Variants in FAM184A observed in about 807,000 individuals in gnomAD.
The protein encoded by FAM184A is protein FAM184A.
FAM184A carries 99 observed loss-of-function variants against 143.8 expected under a neutral mutation model. The observed-to-expected ratio is 0.69, with a 90% CI of 0.58 to 0.81. The LOEUF (loss-of-function observed/expected upper bound fraction) is 0.81, where lower values mean the gene tolerates loss of function less well. Among genes scored for constraint, FAM184A ranks in the 40% least tolerant of loss-of-function variants. FAM184A has a pLI of 0.00. For synonymous variants in FAM184A, 427 were observed against 446.4 expected (o/e 0.96, Z 0.55); for missense variants, 1,217 against 1,310.5 (o/e 0.93, Z 1.10).
intron 11 of FAM184A, among the ~76,000 whole-genome samples, chr6:118,978,957 A>C (rs1355016327): frequency 6.6e-6 from 1 of 152,224 alleles, no homozygotes; most frequent in Non-Finnish European, 1.5e-5. Flanking sequence ...CCTCAACAGA[A>C]GAGTCAGACC....
chr6:119,070,483 C>T (rs550992659), intron 1 of FAM184A, among the ~76,000 whole-genome samples: 4 of 152,134 alleles, frequency 2.6e-5, no homozygotes, highest in Admixed American at 1.3e-4. Flanking sequence ...TTTTGAAGGA[C>T]CATTAACTCT....
At chr6:119,140,766 G>A (rs1027707961) in intron 1 of FAM184A, among the ~76,000 whole-genome samples, 1 of 152,122 alleles carries the variant, frequency 6.6e-6, no homozygotes, top group African/African-American at 2.4e-5. Flanking sequence ...GGCGAGGGAG[G>A]GTCTCTCTTT....
intron 6 of FAM184A, among the ~76,000 whole-genome samples, chr6:119,008,498 G>A (rs1367953827): frequency 1.3e-5 from 2 of 152,122 alleles, no homozygotes; most frequent in Non-Finnish European, 2.9e-5. Flanking sequence ...GAAAAGCTGG[G>A]TTCCATTGTC....
chr6:119,037,759 A>G (rs1399921802), intron 1 of FAM184A, among the ~76,000 whole-genome samples: 2 of 152,250 alleles, frequency 1.3e-5, no homozygotes, highest in African/African-American at 2.4e-5. Context: ...GAAGACACTG[A>G]TAAGTTTCAA....
intron 1 of FAM184A, among the ~76,000 whole-genome samples, chr6:119,051,983 A>G (rs1786786395): frequency 6.6e-6 from 1 of 152,176 alleles, no homozygotes; most frequent in African/African-American, 2.4e-5. Flanking sequence ...CCCAGACAGC[A>G]GTATCTATGT....
At chr6:119,023,612 T>TCTAACACC (rs1291050343) in intron 2 of FAM184A, among the ~76,000 whole-genome samples, 1 of 124,146 alleles carries the variant, frequency 8.1e-6, no homozygotes, top group East Asian at 2.7e-4. Flanking sequence ...CAGGCTGGTT[T>TCTAACACC]CTAACACCTG....
intron 1 of FAM184A, among the ~76,000 whole-genome samples, chr6:119,037,494 T>C (rs938355097): frequency 6.6e-6 from 1 of 152,186 alleles, no homozygotes; most frequent in Middle Eastern, 3.2e-3. Flanking sequence ...TTTATTCTGA[T>C]AACATGCCTT....
chr6:119,115,780 T>C (rs1789041061), intron 1 of FAM184A, among the ~76,000 whole-genome samples: 3 of 148,710 alleles, frequency 2.0e-5, no homozygotes, highest in African/African-American at 7.5e-5. Context: ...CTGACCAACA[T>C]GGTGAAACCC....
chr6:119,060,805 C>A (rs1165843636), intron 1 of FAM184A, among the ~76,000 whole-genome samples: 1 of 152,158 alleles, frequency 6.6e-6, no homozygotes, highest in Non-Finnish European at 1.5e-5. Flanking sequence ...TCCTCCTGGC[C>A]ATGTGAAGCT....
chr6:119,078,167 T>G lies in FAM184A; in HGVS notation c.133A>C (p.Ser45Arg). The part of the protein sequence containing the change: ...DYSQEMHLKM[S>R]KKIAQLTKVI... ...TTGGTGAGCTGGGCGATTTTCTTGC[T>G]CATTTTCAGGTGCATCTCCTGGCTG... Residue 45 changes from serine to arginine, a missense_variant, in exon 1 of 18, where the codon AGC becomes CGC. Transcript: ENST00000338891. This position sits in a 1 kb window ranked among gnomAD's most constrained non-coding sequence, Gnocchi z 5.5. 6.3e-7 allele frequency: 1 copy of G among 1,593,524 alleles called. No individual in the cohort carries two copies. Among genetic ancestry groups the G allele is most frequent in the Non-Finnish European group, 8.5e-7 (1 of 1,171,710 alleles).
At chr6:119,073,659 C>G (rs1439159833) in intron 1 of FAM184A, among the ~76,000 whole-genome samples, 2 of 152,130 alleles carry the variant, frequency 1.3e-5, no homozygotes, top group African/African-American at 4.8e-5. Flanking sequence ...AGATGCTTGT[C>G]CCACACCTAA....
chr6:119,143,500 A>G (rs532591670), intron 1 of FAM184A, among the ~76,000 whole-genome samples: 1 of 152,358 alleles, frequency 6.6e-6, no homozygotes, highest in South Asian at 2.1e-4. Flanking sequence ...TCTTGAAGAG[A>G]TATTTGTGCA....
At chr6:119,029,167 G>T (rs1160238700) in intron 1 of FAM184A, among the ~76,000 whole-genome samples, 1 of 152,104 alleles carries the variant, frequency 6.6e-6, no homozygotes, top group African/African-American at 2.4e-5. Flanking sequence ...CCACAAGGAA[G>T]GAAAAGAGAA....
intron 1 of FAM184A, among the ~76,000 whole-genome samples, chr6:119,029,183 C>T (rs573178757): frequency 8.5e-5 from 13 of 152,172 alleles, no homozygotes; most frequent in South Asian, 2.1e-4. Context: ...GAGAATTCAA[C>T]GAGGTAAAAT....
intron 1 of FAM184A, among the ~76,000 whole-genome samples, chr6:119,086,825 A>G (rs1788235798): frequency 6.6e-6 from 1 of 152,232 alleles, no homozygotes; most frequent in African/African-American, 2.4e-5. Context: ...CTCTATAAAC[A>G]AGGAGACTAG....
intron 1 of FAM184A, among the ~76,000 whole-genome samples, chr6:119,049,910 G>T (rs1295300940): frequency 6.6e-6 from 1 of 152,050 alleles, no homozygotes; most frequent in African/African-American, 2.4e-5. Flanking sequence ...CTACAGAATG[G>T]GAGAAAATTC....
intron 9 of FAM184A, among the ~76,000 whole-genome samples, chr6:118,989,164 T>C (rs947021843): frequency 2.6e-5 from 4 of 151,996 alleles, no homozygotes; most frequent in Admixed American, 6.6e-5. Context: ...GGTTTCACCA[T>C]GTTAGCCAGG....
At chr6:119,147,713 A>G (rs1457679159) in intron 1 of FAM184A, among the ~76,000 whole-genome samples, 1 of 152,192 alleles carries the variant, frequency 6.6e-6, no homozygotes, top group Non-Finnish European at 1.5e-5. Context: ...ATCAGCCAGA[A>G]ATGGCCAGGA....
chr6:119,111,777 G>T (rs1788941208), intron 1 of FAM184A, among the ~76,000 whole-genome samples: 1 of 152,208 alleles, frequency 6.6e-6, no homozygotes. Context: ...AGATTCAGCT[G>T]CAGGGAAGGA....
Sources: allele counts gnomAD v4.1 joint callset (sites outside exome capture counted in the v4.1 genomes callset), GRCh38; gene constraint gnomAD v4.1.1; non-coding constraint Gnocchi (gnomAD v3.1); transcripts MANE v1.5; gene names NCBI Gene and HGNC (gene_info 2026-07-23, HGNC 2026-07-21).